OPTC: variants seen among roughly 807,000 people sequenced by gnomAD.
OPTC encodes opticin.
OPTC carries 22 observed loss-of-function variants against 25.4 expected under a neutral mutation model. That is an observed-to-expected ratio of 0.87 (90% CI 0.62 to 1.24). The LOEUF is 1.24. Among genes scored for constraint, OPTC ranks in the 50% most tolerant of loss-of-function variants. The pLI, the probability that OPTC is intolerant of heterozygous loss-of-function variation, is 0.00. For missense variants in OPTC, 417 were observed against 425.2 expected, an observed-to-expected ratio of 0.98 and a Z score of 0.17; for synonymous variants, 169 against 179.3, an observed-to-expected ratio of 0.94 and a Z score of 0.46.
intron 1 of OPTC, 139 bp from the exon 2 acceptor site, chr1:203,495,826 A>G: frequency 1.6e-6 from 1 of 640,848 alleles, no homozygotes; most frequent in East Asian, 2.8e-5. Flanking sequence ...CCCAGCTGGT[A>G]GGGAATTTGT....
chr1:203,496,908 C>T (rs1661289761), intron 2 of OPTC, 69 bp from the exon 3 acceptor site: 2 of 1,552,686 alleles, frequency 1.3e-6, no homozygotes, highest in African/African-American at 1.4e-5. Flanking sequence ...ACTGAGGTTC[C>T]CAGAGTCCAA....
intron 7 of OPTC, among the ~76,000 whole-genome samples, chr1:203,507,429 C>G (rs970430239): frequency 2.0e-5 from 3 of 152,220 alleles, no homozygotes; most frequent in Non-Finnish European, 4.4e-5. Flanking sequence ...TGCATCACAT[C>G]CACCTCCTCC....
chr1:203,499,639 C>T lies in OPTC; in HGVS notation c.530-10C>T, dbSNP rs763778613. ...GGTTTCTCTCTTTGTTCTCCCCTAA[C>T]CTCTCTCAGCAAAGTTGAAGAGGAT... On this transcript the variant is annotated splice_polypyrimidine_tract_variant and intron_variant, in intron 4 of 7. Transcript: ENST00000367222. 1 of 1,611,912 alleles carries T rather than the reference C, an allele frequency of 6.2e-7. No individual in the cohort carries two copies.
intron 7 of OPTC, among the ~76,000 whole-genome samples, chr1:203,504,616 A>G (rs1661447324): frequency 6.6e-6 from 1 of 152,218 alleles, no homozygotes; most frequent in Admixed American, 6.5e-5. Flanking sequence ...TAAGATTTCT[A>G]TAGGGCATTC....
chr1:203,499,681 C>T lies in OPTC; in HGVS notation c.562C>T (p.Leu188Phe). Residue 188 changes from leucine to phenylalanine, a missense_variant, in exon 5 of 8, where the codon CTC becomes TTC. Transcript: ENST00000367222. ...KLKRIDLSNN[L>F]ISSIDNDAFR... Reference sequence around the variant, plus strand: ...GAAGAGGATTGACCTCTCCAACAACCTCATTTCCTCCATCGATAATGATGC... The same window carrying T: ...GAAGAGGATTGACCTCTCCAACAACTTCATTTCCTCCATCGATAATGATGC... The T allele has an allele frequency of 6.2e-7, 1 of 1,613,584 alleles. No individual in the cohort carries two copies. The highest frequency in any genetic ancestry group is 8.5e-7 in the Non-Finnish European group (1 of 1,179,908).
Position 203,503,614 on chromosome 1 carries a change from G to T in OPTC, c.893G>T (p.Arg298Leu), listed in dbSNP as rs199948993. ...GACCCCGAGGAGCACAAACACACCC[G>T]CAGGCAGCTGGAAGACATCCGCCTG... is the stretch of plus-strand genomic sequence containing the variant. The part of the protein sequence containing the change: ...FCDPEEHKHT[R>L]RQLEDIRLDG... Residue 298 changes from arginine (R) to leucine (L), a missense_variant, in exon 7 of 8, where the codon CGC becomes CTC. Arg to Leu is a moderately radical substitution (Grantham distance 102). Coordinates refer to ENST00000367222, the MANE Select transcript of OPTC (RefSeq NM_014359.4). The T allele has an allele frequency of 3.7e-6, 6 of 1,613,452 alleles. No individual in the cohort carries two copies. The highest frequency in any genetic ancestry group is 2.7e-5 in the African/African-American group (2 of 74,908).
At chr1:203,503,462 G>A in intron 6 of OPTC, 88 bp from the exon 7 acceptor site, 1 of 1,333,000 alleles carries the variant, frequency 7.5e-7, no homozygotes. Flanking sequence ...AGCAGGCAGA[G>A]CTGGTAGGGA....
intron 2 of OPTC, 66 bp downstream of exon 2, chr1:203,496,302 C>T (rs982519159): frequency 5.5e-5 from 65 of 1,181,950 alleles, no homozygotes; most frequent in Admixed American, 1.4e-4. Flanking sequence ...CAGGGCCCTC[C>T]CATCTGCCCC....
intron 7 of OPTC, 39 bp from the exon 8 acceptor site, chr1:203,508,607 C>T (rs1571605744): frequency 6.6e-6 from 1 of 151,356 alleles, no homozygotes; most frequent in Admixed American, 6.6e-5. Flanking sequence ...CTCCCCCACA[C>T]TAGACACCAG....
intron 7 of OPTC, among the ~76,000 whole-genome samples, chr1:203,504,655 G>T (rs1244152243): frequency 6.6e-6 from 1 of 152,180 alleles, no homozygotes; most frequent in Admixed American, 6.5e-5. Flanking sequence ...TGAGGCCAGG[G>T]CCTCCTGTTA....
intron 5 of OPTC, among the ~76,000 whole-genome samples, chr1:203,501,247 T>C (rs973156109): frequency 6.6e-6 from 1 of 152,134 alleles, no homozygotes; most frequent in Non-Finnish European, 1.5e-5. Context: ...ATTACAGGCA[T>C]GCACCACCAT....
chr1:203,502,986 A>T lies in OPTC; in HGVS notation c.805A>T (p.Ser269Cys). The change falls in exon 6 of 8, where the codon AGC becomes TGC. Residue 269 changes from serine to cysteine, a missense_variant. Transcript: ENST00000367222. ...LDSIPGPLPL[S>C]LRSVHLQNNL... ...TTCTATCCCGGGGCCTTTGCCCCTG[A>T]GCCTGCGCTCTGTACACCTGCAGGT... The T allele has an allele frequency of 6.2e-7, 1 of 1,613,760 alleles. No individual in the cohort carries two copies. The highest frequency in any genetic ancestry group is 8.5e-7 in the Non-Finnish European group (1 of 1,179,878).
At chr1:203,500,164 C>CACACCTCCA (rs1242833207) in intron 5 of OPTC, among the ~76,000 whole-genome samples, 3 of 30,838 alleles carry the variant, frequency 9.7e-5, no homozygotes, top group African/African-American at 1.7e-4. Context: ...ACCTCCACCA[C>CACACCTCCA]CCACCTCCAC....
chr1:203,497,301 T>G (rs1661296409), intron 3 of OPTC, among the ~76,000 whole-genome samples, 186 bp downstream of exon 3: 1 of 152,176 alleles, frequency 6.6e-6, no homozygotes, highest in Non-Finnish European at 1.5e-5. Flanking sequence ...AATCAAAGAC[T>G]GGCACTGGCT....
chr1:203,500,183 CCA>C (rs1447832211), intron 5 of OPTC, among the ~76,000 whole-genome samples: 1 of 7,198 alleles, frequency 1.4e-4, no homozygotes, highest in Non-Finnish European at 3.2e-4. Context: ...ACCACCACCA[CCA>C]CCACCACCAC....
chr1:203,502,141 A>T (rs1344084295), intron 5 of OPTC, among the ~76,000 whole-genome samples: 1 of 152,224 alleles, frequency 6.6e-6, no homozygotes, highest in Non-Finnish European at 1.5e-5. Flanking sequence ...CGCATAGTAG[A>T]TGCTCCATAA....
At chr1:203,499,417 G>T (rs968610219) in intron 4 of OPTC, among the ~76,000 whole-genome samples, 1 of 151,958 alleles carries the variant, frequency 6.6e-6, no homozygotes, top group Non-Finnish European at 1.5e-5. Flanking sequence ...CAAGATGGAC[G>T]GCCACTGCAC....
At chr1:203,501,849 G>A (rs1261923228) in intron 5 of OPTC, among the ~76,000 whole-genome samples, 2 of 152,116 alleles carry the variant, frequency 1.3e-5, no homozygotes, top group Non-Finnish European at 2.9e-5. Context: ...CTCAAAGAAC[G>A]GGATTGCATG....
chr1:203,500,921 T>C (rs1254732376), intron 5 of OPTC, among the ~76,000 whole-genome samples: 1 of 152,154 alleles, frequency 6.6e-6, no homozygotes, highest in Non-Finnish European at 1.5e-5. Context: ...AATTCACCTG[T>C]TTGCTCACCA....
Sources: allele counts gnomAD v4.1 joint callset (sites outside exome capture counted in the v4.1 genomes callset), GRCh38; gene constraint gnomAD v4.1.1; transcripts MANE v1.5; gene names NCBI Gene and HGNC (gene_info 2026-07-23, HGNC 2026-07-21).